The following STRBP variants were observed in gnomAD, a reference collection of about 807,000 sequenced individuals.
The protein encoded by STRBP is spermatid perinuclear RNA binding protein.
Under a neutral mutation model 80.1 loss-of-function variants are expected in STRBP, and 13 were observed. The ratio of observed to expected loss-of-function variants is 0.16; its 90% CI spans 0.11 to 0.26. The LOEUF (loss-of-function observed/expected upper bound fraction) is 0.26. Ranked by LOEUF, STRBP falls within the 10% of genes least tolerant of loss-of-function variation. The pLI is 1.00. For synonymous variants in STRBP, 284 were observed against 291.2 expected (o/e 0.98, Z 0.25); for missense variants, 485 against 815.2 (o/e 0.59, Z 4.93).
intron 12 of STRBP, 141 bp from the exon 13 acceptor site, chr9:123,147,195 A>C (rs563842031): frequency 1.8e-6 from 1 of 556,342 alleles, no homozygotes; most frequent in South Asian, 3.1e-5. Flanking sequence ...TTAACCTCAT[A>C]AGTAATTCTA....
Position 123,123,194 on chromosome 9 carries a change from G to A in STRBP, c.*2403C>T. On this transcript the variant is annotated 3_prime_UTR_variant, in exon 19 of 19. Coordinates refer to ENST00000348403, the MANE Select transcript of STRBP (RefSeq NM_018387.5). ...CGACGCTCAGAGGCTGGCAATAGGG[G>A]CTGTCAATGAAAAAACCACCTACAG... The A allele has an allele frequency of 4.1e-6, 4 of 985,376 alleles. No homozygotes were observed. Among genetic ancestry groups the A allele is most frequent in the Non-Finnish European group, 4.8e-6 (4 of 829,918 alleles). 61.0% of individuals were successfully genotyped at this position (985,376 alleles called of 1,614,324 possible). A position where few individuals can be genotyped will look rare whatever the true frequency, so the allele number is the denominator to read the frequency against.
downstream of STRBP, among the ~76,000 whole-genome samples, chr9:123,118,934 A>G (rs2035687355): frequency 6.6e-6 from 1 of 152,140 alleles, no homozygotes; most frequent in Non-Finnish European, 1.5e-5. Flanking sequence ...TCATGTACCC[A>G]TTTTCCTCTT....
At chr9:123,150,295 G>C (rs1253366022) in intron 11 of STRBP, among the ~76,000 whole-genome samples, 1 of 152,166 alleles carries the variant, frequency 6.6e-6, no homozygotes, top group African/African-American at 2.4e-5. Flanking sequence ...CCCACTTCCA[G>C]TATGAGAGAG....
chr9:123,145,248 G>A (rs771127110), intron 13 of STRBP, among the ~76,000 whole-genome samples: 23 of 152,236 alleles, frequency 1.5e-4, no homozygotes, highest in South Asian at 6.2e-4. Flanking sequence ...CAGCCCCTCC[G>A]TGTTTACCAA....
intron 1 of STRBP, among the ~76,000 whole-genome samples, chr9:123,243,665 C>CA (rs59231025): frequency 0.77 from 117,150 of 152,026 alleles, 46,305 homozygotes; most frequent in East Asian, 0.98. Flanking sequence ...AGAAAATGGG[C>CA]AAAAACATGA....
At chr9:123,178,667 T>C (rs1052982720) in intron 4 of STRBP, among the ~76,000 whole-genome samples, 7 of 152,156 alleles carry the variant, frequency 4.6e-5, no homozygotes, top group Non-Finnish European at 7.4e-5. Context: ...TCCCCAGAGA[T>C]CAAAAACACT....
intron 4 of STRBP, among the ~76,000 whole-genome samples, chr9:123,175,719 T>A (rs995856033): frequency 6.6e-6 from 1 of 152,208 alleles, no homozygotes; most frequent in Non-Finnish European, 1.5e-5. Context: ...ATAATCACCA[T>A]CAAACTTGCA....
At chr9:123,243,265 C>CAAAAAAAAAAA (rs1160280485) in intron 1 of STRBP, among the ~76,000 whole-genome samples, 439 of 78,276 alleles carry the variant, frequency 5.6e-3, no homozygotes, top group Middle Eastern at 8.5e-3. Flanking sequence ...ATCAATAAGA[C>CAAAAAAAAAAA]AAAAAAAAAA....
chr9:123,131,230 G>A (rs926503306), intron 17 of STRBP, among the ~76,000 whole-genome samples: 1 of 152,154 alleles, frequency 6.6e-6, no homozygotes, highest in Non-Finnish European at 1.5e-5. Context: ...ACTATAGAAA[G>A]ACTAACCTTC....
chr9:123,124,486 A>C lies in STRBP; in HGVS notation c.*1111T>G. On this transcript the variant is annotated 3_prime_UTR_variant, in exon 19 of 19. Coordinates refer to ENST00000348403, the MANE Select transcript of STRBP (RefSeq NM_018387.5). ...AAAAAGAAATGCTGACCCATGGCTG[A>C]AACCTGTCACTTTTCACAGCAGCAC... The C allele has an allele frequency of 2.0e-6, 2 of 985,490 alleles. No homozygotes were observed. The highest frequency in any genetic ancestry group is 2.4e-6 in the Non-Finnish European group (2 of 829,966). 61.0% of individuals were successfully genotyped at this position (985,490 alleles called of 1,614,324 possible).
intron 1 of STRBP, among the ~76,000 whole-genome samples, chr9:123,249,940 C>G (rs111313676): frequency 6.6e-6 from 1 of 152,120 alleles, no homozygotes; most frequent in South Asian, 2.1e-4. Flanking sequence ...TTTGGAAGAT[C>G]AAGATAATTC....
chr9:123,180,108 T>C (rs1027702385), intron 3 of STRBP, among the ~76,000 whole-genome samples: 1 of 151,980 alleles, frequency 6.6e-6, no homozygotes. Flanking sequence ...TAAAAAAAAT[T>C]AGCCGGACGT....
intron 2 of STRBP, among the ~76,000 whole-genome samples, chr9:123,189,628 A>C (rs974744448): frequency 6.6e-6 from 1 of 151,840 alleles, no homozygotes; most frequent in African/African-American, 2.4e-5. Context: ...GTCCTCACTC[A>C]TAGGTGGGAA....
chr9:123,225,602 A>G (rs1588128619), intron 2 of STRBP, among the ~76,000 whole-genome samples: 1 of 152,236 alleles, frequency 6.6e-6, no homozygotes, highest in East Asian at 1.9e-4. Context: ...GGCAAGTGAA[A>G]GCAGCAAGCA....
intron 2 of STRBP, among the ~76,000 whole-genome samples, chr9:123,214,958 T>TTAA (rs1258805198): frequency 6.6e-6 from 1 of 152,230 alleles, no homozygotes; most frequent in Non-Finnish European, 1.5e-5. Context: ...GCTCCTCTTG[T>TTAA]TAATAATCAC....
In STRBP at chr9:123,177,139, A is replaced by G. The variant is rs1588048343; in HGVS notation, c.224+1868T>C. Among the ~76,000 whole-genome samples, 3 of 152,334 alleles carry G rather than the reference A, an allele frequency of 2.0e-5. No homozygotes were observed. In the South Asian group the frequency reaches 6.2e-4, roughly 32 times the overall value. On this transcript the variant is annotated intron_variant, in intron 4 of 18. Transcript: ENST00000348403. ...CTTGGAATACATGCCAGCCTCTGAT[A>G]TAAGAATAGAATCTCATTCTGCACT...
chr9:123,224,056 C>T (rs10985908), intron 2 of STRBP, among the ~76,000 whole-genome samples: 9,189 of 152,080 alleles, frequency 0.06, 326 homozygotes, highest in Non-Finnish European at 0.067. Context: ...TTCAAAATTC[C>T]GAGTTCCACA....
intron 1 of STRBP, among the ~76,000 whole-genome samples, chr9:123,259,672 G>A (rs1479105627): frequency 6.6e-6 from 1 of 152,150 alleles, no homozygotes; most frequent in Non-Finnish European, 1.5e-5. Context: ...TCACGCCATT[G>A]CACTCCAGCC....
chr9:123,225,671 T>C (rs1001969091), intron 2 of STRBP, among the ~76,000 whole-genome samples: 3 of 152,180 alleles, frequency 2.0e-5, no homozygotes, highest in Non-Finnish European at 4.4e-5. Flanking sequence ...TAGCACCCCC[T>C]GATGGTATTG....
Sources: gnomAD v4.1 joint callset for allele counts (sites outside exome capture counted in the v4.1 genomes callset) on GRCh38, gnomAD v4.1.1 for gene constraint, MANE v1.5 for transcripts, NCBI Gene and HGNC (gene_info 2026-07-23, HGNC 2026-07-21) for gene names.